PLPP3: variants seen among roughly 807,000 people sequenced by gnomAD.
The protein encoded by PLPP3 is phospholipid phosphatase 3.
Under a neutral mutation model 29.6 loss-of-function variants are expected in PLPP3, and 6 were observed. The observed-to-expected ratio is 0.20, with a 90% CI of 0.11 to 0.40. The LOEUF is 0.40. Among genes scored for constraint, PLPP3 ranks in the 10% least tolerant of loss-of-function variants. The pLI is 1.00. For synonymous variants in PLPP3, 152 were observed against 159.7 expected (o/e 0.95, Z 0.36); for missense variants, 308 against 407.7 (o/e 0.76, Z 2.11).
chr1:56,557,050 G>C (rs1408674484), intron 1 of PLPP3, among the ~76,000 whole-genome samples: 1 of 55,680 alleles, frequency 1.8e-5, no homozygotes, highest in Non-Finnish European at 4.5e-5. Flanking sequence ...GAGAGAGAGA[G>C]AGAGAGAGAA....
intron 4 of PLPP3, among the ~76,000 whole-genome samples, chr1:56,520,008 G>A (rs767393530): frequency 3.9e-5 from 6 of 152,186 alleles, no homozygotes; most frequent in Non-Finnish European, 8.8e-5. Context: ...GTAGGCCTAA[G>A]TTTGTCTTGA....
At chr1:56,555,023 T>C (rs1008988767) in intron 1 of PLPP3, among the ~76,000 whole-genome samples, 3 of 152,170 alleles carry the variant, frequency 2.0e-5, no homozygotes, top group Non-Finnish European at 2.9e-5. Context: ...GTATATGTGG[T>C]GATCACAGTT....
intron 4 of PLPP3, among the ~76,000 whole-genome samples, chr1:56,516,450 C>T (rs1238466308): frequency 6.6e-6 from 1 of 152,218 alleles, no homozygotes; most frequent in African/African-American, 2.4e-5. Flanking sequence ...AACACACTTT[C>T]CCAGATCAGA....
intron 1 of PLPP3, among the ~76,000 whole-genome samples, chr1:56,554,339 G>C (rs1020708289): frequency 1.3e-5 from 2 of 152,080 alleles, no homozygotes; most frequent in Admixed American, 1.3e-4. Flanking sequence ...TTGGGAGGCC[G>C]AGGCGGGTGG....
intron 1 of PLPP3, among the ~76,000 whole-genome samples, chr1:56,551,758 GC>G (rs1241656680): frequency 1.3e-5 from 2 of 152,216 alleles, no homozygotes; most frequent in Non-Finnish European, 2.9e-5. Context: ...ATGGTTTGAT[GC>G]CTTTCAGTGC....
rs761804973 is a variant in PLPP3, at chr1:56,494,971, TATG to T, written c.*1577_*1579del. The T allele has an allele frequency of 2.0e-5, 3 of 152,628 alleles. No individual in the cohort carries two copies. Among genetic ancestry groups the T allele is most frequent in the Non-Finnish European group, 2.9e-5 (2 of 68,028 alleles). 9.5% of individuals were successfully genotyped at this position (152,628 alleles called of 1,614,324 possible). A position where few individuals can be genotyped will look rare whatever the true frequency, so the allele number is the denominator to read the frequency against. ...TATAAAACAATGTCTACCACAGAAC[TATG>T]ATATTTTAGTTGATATTTAAAAAAA... On this transcript the variant is annotated 3_prime_UTR_variant, in exon 6 of 6. Transcript: ENST00000371250.
Position 56,543,056 on chromosome 1 carries a change from A to G in PLPP3, c.140-5944T>C, listed in dbSNP as rs139153655. ...GAACTCTGTGATAAAAAGTTTATAC[A>G]TCTTACCTACAGTACAGAGTTATGA... On this transcript the variant is annotated intron_variant, in intron 1 of 5. Coordinates refer to ENST00000371250, the MANE Select transcript of PLPP3 (RefSeq NM_003713.5). 3.2e-3 allele frequency among the ~76,000 whole-genome samples: 486 copies of G among 152,138 alleles called. 1 individual carries two copies. The highest frequency in any genetic ancestry group is 0.011 in the African/African-American group (464 of 41,512).
intron 5 of PLPP3, among the ~76,000 whole-genome samples, chr1:56,502,553 G>A (rs1165361747): frequency 6.6e-6 from 1 of 152,162 alleles, no homozygotes; most frequent in African/African-American, 2.4e-5. Flanking sequence ...AGCCATTAGT[G>A]GACAATCTGT....
chr1:56,520,772 G>A (rs1044826416), intron 4 of PLPP3, among the ~76,000 whole-genome samples: 1 of 151,396 alleles, frequency 6.6e-6, no homozygotes, highest in Admixed American at 6.6e-5. Context: ...TTTGCTGGGT[G>A]TGGTGCCACA....
intron 1 of PLPP3, among the ~76,000 whole-genome samples, chr1:56,571,745 A>G (rs1646200055): frequency 6.6e-6 from 1 of 152,034 alleles, no homozygotes; most frequent in South Asian, 2.1e-4. Context: ...AAGAAATGAA[A>G]AAGACTGCTT....
chr1:56,512,340 G>C, intron 4 of PLPP3, 188 bp from the exon 5 acceptor site: 1 of 547,094 alleles, frequency 1.8e-6, no homozygotes. Context: ...GGCTAGGCAC[G>C]GTGGCTCACG....
chr1:56,496,410 TA>T lies in PLPP3; in HGVS notation c.*140del. On this transcript the variant is annotated 3_prime_UTR_variant, in exon 6 of 6. Coordinates refer to ENST00000371250, the MANE Select transcript of PLPP3 (RefSeq NM_003713.5). ...CTACCTATTTTGGAAGGCCACATAG[TA>T]AAACATTTTTTTTTTCCTTTTTAAA... 9.0e-7 allele frequency: 1 copy of T among 1,112,058 alleles called. No individual in the cohort carries two copies. The highest frequency in any genetic ancestry group is 1.3e-6 in the Non-Finnish European group (1 of 792,346). 68.9% of individuals were successfully genotyped at this position (1,112,058 alleles called of 1,614,324 possible).
chr1:56,500,830 C>A (rs1485838375), intron 5 of PLPP3, among the ~76,000 whole-genome samples: 1 of 151,720 alleles, frequency 6.6e-6, no homozygotes, highest in East Asian at 1.9e-4. Flanking sequence ...CATGGTGAAA[C>A]CCCCTCTCTA....
chr1:56,563,370 C>T (rs1646142737), intron 1 of PLPP3, among the ~76,000 whole-genome samples: 1 of 152,212 alleles, frequency 6.6e-6, no homozygotes, highest in African/African-American at 2.4e-5. Flanking sequence ...CAGGCTCCTT[C>T]ACTCAAAATG....
At chr1:56,541,984 A>G (rs1001533743) in intron 1 of PLPP3, among the ~76,000 whole-genome samples, 107 of 144,086 alleles carry the variant, frequency 7.4e-4, no homozygotes, top group African/African-American at 2.7e-3. Flanking sequence ...AAAAAAAAAA[A>G]GAATCTAGTG....
intron 5 of PLPP3, among the ~76,000 whole-genome samples, chr1:56,500,757 C>A (rs903627654): frequency 6.6e-6 from 1 of 152,096 alleles, no homozygotes; most frequent in African/African-American, 2.4e-5. Flanking sequence ...AAAATCCCAG[C>A]ACTTTGGGAG....
chr1:56,506,800 T>C (rs922525045), intron 5 of PLPP3, among the ~76,000 whole-genome samples: 3 of 152,080 alleles, frequency 2.0e-5, no homozygotes, highest in Non-Finnish European at 2.9e-5. Context: ...TATGAGCCTG[T>C]GTTTTTTTTT....
At chr1:56,502,713 T>C (rs568854260) in intron 5 of PLPP3, among the ~76,000 whole-genome samples, 3 of 152,288 alleles carry the variant, frequency 2.0e-5, no homozygotes, top group East Asian at 1.9e-4. Context: ...CCTTCCATCT[T>C]AGTGTTAGGC....
In PLPP3 at chr1:56,557,346, C is replaced by A. The variant is rs186439429; in HGVS notation, c.140-20234G>T. On this transcript the variant is annotated intron_variant, in intron 1 of 5. Coordinates refer to ENST00000371250, the MANE Select transcript of PLPP3 (RefSeq NM_003713.5). Reference sequence around the variant, plus strand: ...TGAGCCAAAGACGCACCACTGCACTCCAGCCTGGTGACAAAGCGAGACTCC... The same window carrying A: ...TGAGCCAAAGACGCACCACTGCACTACAGCCTGGTGACAAAGCGAGACTCC... Among the ~76,000 whole-genome samples the A allele has an allele frequency of 9.2e-5, 14 of 151,640 alleles. No homozygotes were observed. The Middle Eastern group carries it at 0.017, about 184-fold the overall frequency.
Sources: allele counts gnomAD v4.1 joint callset (sites outside exome capture counted in the v4.1 genomes callset), GRCh38; gene constraint gnomAD v4.1.1; transcripts MANE v1.5; gene names NCBI Gene and HGNC (gene_info 2026-07-23, HGNC 2026-07-21).